Variants in SGK1 observed in about 807,000 individuals in gnomAD.
SGK1 encodes serum/glucocorticoid regulated kinase 1, also known as serine/threonine-protein kinase Sgk1.
A neutral mutation model predicts 64.2 loss-of-function variants in SGK1; 26 were observed. The observed-to-expected ratio is 0.40, with a 90% CI of 0.30 to 0.56. The LOEUF (loss-of-function observed/expected upper bound fraction) is 0.56. SGK1 is among the 20% of genes least tolerant of loss of function. The probability of loss-of-function intolerance (pLI) is 0.38; values close to 1 mark genes in which losing one functional copy is unlikely to be tolerated. For synonymous variants in SGK1, 265 were observed against 239.7 expected, an observed-to-expected ratio of 1.11 and a Z score of -0.98; for missense variants, 519 against 645.6, an observed-to-expected ratio of 0.80 and a Z score of 2.12.
At chr6:134,290,912 T>C (rs1777254787) in intron 1 of SGK1, among the ~76,000 whole-genome samples, 1 of 152,110 alleles carries the variant, frequency 6.6e-6, no homozygotes, top group Non-Finnish European at 1.5e-5. Context: ...AGCAGAGGGC[T>C]CAGCACATAT....
At chr6:134,241,474 C>T (rs943027606) in intron 2 of SGK1, among the ~76,000 whole-genome samples, 1 of 151,890 alleles carries the variant, frequency 6.6e-6, no homozygotes, top group African/African-American at 2.4e-5. Context: ...ACCACCCTGC[C>T]CAGCCCAAAG....
chr6:134,277,209 C>A (rs955438417), intron 1 of SGK1, among the ~76,000 whole-genome samples: 1 of 152,028 alleles, frequency 6.6e-6, no homozygotes, highest in Non-Finnish European at 1.5e-5. Context: ...TTAATCCCAG[C>A]TACTCGGGAG....
At chr6:134,190,830 G>A (rs546281729) in intron 3 of SGK1, among the ~76,000 whole-genome samples, 22 of 152,260 alleles carry the variant, frequency 1.4e-4, no homozygotes, top group African/African-American at 2.2e-4. Context: ...AGAGGCATAC[G>A]ATGGTAACAG....
At chr6:134,297,208 T>G in intron 1 of SGK1, 1 of 867,348 alleles carries the variant, frequency 1.2e-6, no homozygotes, top group South Asian at 1.3e-5. Flanking sequence ...ACATTCTGTA[T>G]CCCAGACTCC....
At chr6:134,268,081 A>G (rs1195419515) in intron 1 of SGK1, among the ~76,000 whole-genome samples, 1 of 152,168 alleles carries the variant, frequency 6.6e-6, no homozygotes, top group Non-Finnish European at 1.5e-5. Context: ...AATGCACAGG[A>G]GTTAGGCAAG....
intron 2 of SGK1, among the ~76,000 whole-genome samples, chr6:134,208,819 C>T (rs1317725532): frequency 6.7e-6 from 1 of 149,462 alleles, no homozygotes; most frequent in Admixed American, 6.6e-5. Context: ...CACATACACG[C>T]ATGTATATAT....
intron 1 of SGK1, among the ~76,000 whole-genome samples, chr6:134,314,949 G>A (rs936081931): frequency 1.3e-5 from 2 of 152,170 alleles, no homozygotes; most frequent in South Asian, 4.1e-4. Context: ...ATTCTGAACT[G>A]CAAACAAAGG....
chr6:134,194,170 CTTT>C (rs57567582), intron 3 of SGK1, among the ~76,000 whole-genome samples: 5 of 145,730 alleles, frequency 3.4e-5, no homozygotes, highest in Non-Finnish European at 6.1e-5. Flanking sequence ...AGCTGGAAAT[CTTT>C]TTTTTTTTTT....
At chr6:134,292,283 G>A (rs1045423590) in intron 1 of SGK1, among the ~76,000 whole-genome samples, 3 of 152,098 alleles carry the variant, frequency 2.0e-5, no homozygotes, top group African/African-American at 7.2e-5. Flanking sequence ...CTGCACAAAT[G>A]GAATTTGTTT....
chr6:134,204,612 G>A (rs1049912556), intron 3 of SGK1, among the ~76,000 whole-genome samples: 7 of 148,532 alleles, frequency 4.7e-5, no homozygotes, highest in Non-Finnish European at 1.0e-4. Context: ...GGAATGCAAT[G>A]GCACAATCTT....
In SGK1 at chr6:134,170,931, C is replaced by T. The variant is rs752608072; in HGVS notation, c.1324-16G>A. On this transcript the variant is annotated splice_polypyrimidine_tract_variant and intron_variant, in intron 12 of 13. Coordinates refer to ENST00000367858, the MANE Select transcript of SGK1 (RefSeq NM_001143676.3). The stretch of plus-strand genomic sequence containing the variant: ...TAATCTCCATCTGTTGATAAGAAAC[C>T]CAAGATTAATTTAGACAGGTGCATT... 1 of 1,608,748 alleles carries T rather than the reference C, an allele frequency of 6.2e-7. No individual in the cohort carries two copies. The highest frequency in any genetic ancestry group is 1.7e-5 in the Admixed American group (1 of 59,940).
intron 1 of SGK1, among the ~76,000 whole-genome samples, chr6:134,304,580 G>C (rs1777508086): frequency 6.6e-6 from 1 of 152,108 alleles, no homozygotes; most frequent in Admixed American, 6.6e-5. Flanking sequence ...AGTGGAGATT[G>C]CACCACTGCA....
intron 2 of SGK1, among the ~76,000 whole-genome samples, chr6:134,219,834 C>T (rs1392378006): frequency 6.8e-5 from 10 of 146,424 alleles, no homozygotes; most frequent in South Asian, 2.2e-4. Context: ...CCGAGGCGGG[C>T]GGATCACGAG....
chr6:134,241,690 G>C (rs1315674265), intron 2 of SGK1, among the ~76,000 whole-genome samples: 1 of 152,078 alleles, frequency 6.6e-6, no homozygotes, highest in Non-Finnish European at 1.5e-5. Context: ...GGACAATCTC[G>C]GCTCGCTGCA....
chr6:134,186,302 G>A (rs1447832486), intron 3 of SGK1, among the ~76,000 whole-genome samples: 1 of 152,146 alleles, frequency 6.6e-6, no homozygotes, highest in African/African-American at 2.4e-5. Context: ...GTCCTTGGGT[G>A]ATGTTTACTC....
chr6:134,197,105 T>C (rs1355713405), intron 3 of SGK1, among the ~76,000 whole-genome samples: 1 of 152,050 alleles, frequency 6.6e-6, no homozygotes, highest in African/African-American at 2.4e-5. Context: ...TGGTAGCTTA[T>C]GCCTGTAGTC....
At chr6:134,259,728 C>T (rs988772280) in intron 2 of SGK1, 1 of 152,164 alleles carries the variant, frequency 6.6e-6, no homozygotes, top group African/African-American at 2.4e-5. Flanking sequence ...AAAATATTTA[C>T]TATCTGGCCG....
chr6:134,209,185 G>A (rs1162575431), intron 2 of SGK1, among the ~76,000 whole-genome samples: 4 of 152,130 alleles, frequency 2.6e-5, no homozygotes, highest in South Asian at 4.1e-4. Context: ...TGTAATCCCA[G>A]CACTTTGGGA....
At chr6:134,203,165 C>A (rs2114678686) in intron 3 of SGK1, among the ~76,000 whole-genome samples, 1 of 152,292 alleles carries the variant, frequency 6.6e-6, no homozygotes, top group East Asian at 1.9e-4. Context: ...ATTACTTGAA[C>A]CCAGAAGGTG....
Sources: gnomAD v4.1 joint callset for allele counts (sites outside exome capture counted in the v4.1 genomes callset) on GRCh38, gnomAD v4.1.1 for gene constraint, MANE v1.5 for transcripts, NCBI Gene and HGNC (gene_info 2026-07-23, HGNC 2026-07-21) for gene names.